UNC5C: variants seen among roughly 807,000 people sequenced by gnomAD.
The protein encoded by UNC5C is unc-5 netrin receptor C.
In UNC5C, 47 loss-of-function variants were observed where a neutral mutation model predicts 99.8. The ratio of observed to expected loss-of-function variants is 0.47; its 90% confidence interval spans 0.37 to 0.60. The LOEUF (loss-of-function observed/expected upper bound fraction) is 0.60. Ranked by LOEUF, UNC5C falls within the 20% of genes least tolerant of loss-of-function variation. The probability of loss-of-function intolerance (pLI) is 0.00; values close to 1 mark genes in which losing one functional copy is unlikely to be tolerated. For missense variants in UNC5C, 1,062 were observed against 1,165.9 expected (o/e 0.91, Z 1.30); for synonymous variants, 487 against 452.2 (o/e 1.08, Z -0.98).
chr4:95,351,666 C>G (rs568654247), intron 1 of UNC5C, among the ~76,000 whole-genome samples: 48 of 150,656 alleles, frequency 3.2e-4, no homozygotes, highest in South Asian at 6.3e-4. Flanking sequence ...ACTGGGTTGA[C>G]AGAGTGAGAT....
At chr4:95,473,986 C>G (rs1029190735) in intron 1 of UNC5C, among the ~76,000 whole-genome samples, 1 of 152,082 alleles carries the variant, frequency 6.6e-6, no homozygotes, top group Non-Finnish European at 1.5e-5. Flanking sequence ...TTTCTTCAGC[C>G]TTCAATTTTC....
In UNC5C at chr4:95,224,359, T is replaced by C. The variant is rs145049152; in HGVS notation, c.1109-4183A>G. ...CTGCGTCTTGCAAAAGGAAAGCCTA[T>C]CTCCAGCTAGGTATCACGTGGTCCG... is the stretch of plus-strand genomic sequence containing the variant. On this transcript the variant is annotated intron_variant, in intron 7 of 15. Transcript: ENST00000453304. Among the ~76,000 whole-genome samples, 401 of 152,294 alleles carry C rather than the reference T, an allele frequency of 2.6e-3. 1 individual carries two copies. Among genetic ancestry groups the C allele is most frequent in the Non-Finnish European group, 4.6e-3 (314 of 68,034 alleles).
intron 10 of UNC5C, among the ~76,000 whole-genome samples, chr4:95,214,458 G>A (rs935529623): frequency 5.9e-5 from 9 of 152,326 alleles, no homozygotes; most frequent in African/African-American, 2.2e-4. Flanking sequence ...AACCCTAACA[G>A]CAGAAAAGTG....
At chr4:95,468,037 G>A (rs1242997347) in intron 1 of UNC5C, among the ~76,000 whole-genome samples, 1 of 152,044 alleles carries the variant, frequency 6.6e-6, no homozygotes, top group East Asian at 1.9e-4. Context: ...CTCAAGGGTG[G>A]TGGCAGAGGT....
intron 1 of UNC5C, among the ~76,000 whole-genome samples, chr4:95,393,863 TA>T (rs36105351): frequency 0.062 from 9,104 of 146,286 alleles, 632 homozygotes; most frequent in East Asian, 0.17. Flanking sequence ...TTTTTTTTTT[TA>T]AAAAAAAACA....
chr4:95,318,688 G>A (rs1742569178), intron 2 of UNC5C, among the ~76,000 whole-genome samples: 1 of 152,160 alleles, frequency 6.6e-6, no homozygotes, highest in African/African-American at 2.4e-5. Flanking sequence ...TTCATTGCCT[G>A]CCATTCCTGG....
intron 4 of UNC5C, among the ~76,000 whole-genome samples, chr4:95,275,025 CAAACA>C (rs56173593): frequency 8.0e-5 from 12 of 150,278 alleles, no homozygotes; most frequent in Admixed American, 1.3e-4. Flanking sequence ...GACTCCGTGT[CAAACA>C]AAACAAAACA....
intron 12 of UNC5C, among the ~76,000 whole-genome samples, chr4:95,195,578 G>A (rs1737346190): frequency 6.6e-6 from 1 of 152,130 alleles, no homozygotes; most frequent in African/African-American, 2.4e-5. Context: ...TCAGAGTTCG[G>A]TAAGGTCACA....
chr4:95,508,834 T>C (rs895890948), intron 1 of UNC5C, among the ~76,000 whole-genome samples: 1 of 151,952 alleles, frequency 6.6e-6, no homozygotes, highest in African/African-American at 2.4e-5. Flanking sequence ...TAAAGAATAT[T>C]TTTAATATAG....
chr4:95,242,676 A>T lies in UNC5C; in HGVS notation c.944-83T>A, dbSNP rs1409616821. 5 of 1,391,808 alleles carry T rather than the reference A, an allele frequency of 3.6e-6. No individual in the cohort carries two copies. In the East Asian group the frequency reaches 1.3e-4, roughly 36 times the overall value. The allele number at this position is 1,391,808 out of a possible 1,614,324, so 86.2% of individuals were successfully genotyped here. A position where few individuals can be genotyped will look rare whatever the true frequency, so the allele number is the denominator to read the frequency against. ...GAGCAGAGCTCAAATATAATACAAC[A>T]AAACAAAACAAGAACAAGCATGCCC... On this transcript the variant is annotated intron_variant, in intron 6 of 15. Transcript: ENST00000453304.
intron 12 of UNC5C, among the ~76,000 whole-genome samples, chr4:95,201,135 G>A (rs530982112): frequency 1.4e-4 from 22 of 152,164 alleles, no homozygotes; most frequent in Non-Finnish European, 3.1e-4. Context: ...GGAACTGTGA[G>A]AAATAAGTTT....
intron 4 of UNC5C, among the ~76,000 whole-genome samples, 189 bp from the exon 5 acceptor site, chr4:95,250,856 T>G (rs1739688589): frequency 6.6e-6 from 1 of 152,186 alleles, no homozygotes; most frequent in South Asian, 2.1e-4. Flanking sequence ...CTTTCCAAGG[T>G]CATGTTAAGT....
rs910407767 is a variant in UNC5C, at chr4:95,165,752, C to A, written c.*3482G>T. ...TTCTAAGCAGATACTTCTTACATTT[C>A]CAAAGATAAATATTAAGGAACTAAA... On this transcript the variant is annotated 3_prime_UTR_variant, in exon 16 of 16. Transcript: ENST00000453304. The A allele has an allele frequency of 6.6e-6, 1 of 152,092 alleles. No individual in the cohort carries two copies. The highest frequency in any genetic ancestry group is 1.5e-5 in the Non-Finnish European group (1 of 68,032). 9.4% of individuals were successfully genotyped at this position (152,092 alleles called of 1,614,324 possible).
At chr4:95,350,481 G>A (rs1463685370) in intron 1 of UNC5C, among the ~76,000 whole-genome samples, 22 of 61,690 alleles carry the variant, frequency 3.6e-4, no homozygotes, top group African/African-American at 9.0e-4. Context: ...GCAAGACTCC[G>A]TCTCAAAAAA....
chr4:95,394,674 T>TGTGTGTGTGC (rs972166811), intron 1 of UNC5C, among the ~76,000 whole-genome samples: 1 of 151,970 alleles, frequency 6.6e-6, no homozygotes. Context: ...TGTGTGTGTG[T>TGTGTGTGTGC]GCTTTTCTCA....
At chr4:95,342,569 T>C (rs1743618444) in intron 1 of UNC5C, among the ~76,000 whole-genome samples, 4 of 151,918 alleles carry the variant, frequency 2.6e-5, no homozygotes, top group African/African-American at 7.2e-5. Context: ...TGGCTTCATA[T>C]GGCTTCAGAC....
chr4:95,468,147 T>C (rs1747850180), intron 1 of UNC5C, among the ~76,000 whole-genome samples: 1 of 151,638 alleles, frequency 6.6e-6, no homozygotes, highest in Non-Finnish European at 1.5e-5. Flanking sequence ...TTTTTTGTTT[T>C]TTCATTTCTT....
chr4:95,331,502 C>G (rs981158347), intron 2 of UNC5C, among the ~76,000 whole-genome samples: 2 of 152,034 alleles, frequency 1.3e-5, no homozygotes, highest in African/African-American at 4.8e-5. Context: ...TGGATGCTGG[C>G]CTTTTCTGTA....
chr4:95,526,637 C>T (rs1199199148), intron 1 of UNC5C, among the ~76,000 whole-genome samples: 2 of 151,694 alleles, frequency 1.3e-5, no homozygotes, highest in Admixed American at 1.3e-4. Flanking sequence ...AATTAAATCC[C>T]AGAGTATTTA....
Sources: gnomAD v4.1 joint callset for allele counts (sites outside exome capture counted in the v4.1 genomes callset) on GRCh38, gnomAD v4.1.1 for gene constraint, MANE v1.5 for transcripts, NCBI Gene and HGNC (gene_info 2026-07-23, HGNC 2026-07-21) for gene names.